The following AGPAT3 variants were observed in gnomAD, a reference collection of about 807,000 sequenced individuals.
AGPAT3 encodes the protein 1-acyl-sn-glycerol-3-phosphate acyltransferase gamma.
Under a neutral mutation model 47.3 loss-of-function variants are expected in AGPAT3, and 5 were observed. That is an observed-to-expected ratio of 0.11 (90% CI 0.06 to 0.22). AGPAT3 has a LOEUF of 0.22. AGPAT3 is among the 10% of genes least tolerant of loss of function. AGPAT3 has a pLI of 1.00. For synonymous variants in AGPAT3, 212 were observed against 208.3 expected (o/e 1.02, Z -0.15); for missense variants, 315 against 493.0 (o/e 0.64, Z 3.42).
chr21:43,966,759 T>C (rs2089148122), intron 3 of AGPAT3: 1 of 152,184 alleles, frequency 6.6e-6, no homozygotes, highest in South Asian at 2.1e-4. Context: ...CCCCGGGCAA[T>C]GGCCTTGCAG....
At chr21:43,940,674 C>G (rs930890896) in intron 2 of AGPAT3, among the ~76,000 whole-genome samples, 5 of 152,250 alleles carry the variant, frequency 3.3e-5, no homozygotes, top group South Asian at 4.1e-4. Flanking sequence ...CCCACTGCCC[C>G]CCAAGGCAGG....
chr21:43,976,239 G>A lies in AGPAT3; in HGVS notation c.768-1807G>A, dbSNP rs2089617438. Among the ~76,000 whole-genome samples the A allele has an allele frequency of 2.0e-5, 3 of 151,918 alleles. No individual in the cohort carries two copies. In the South Asian group the frequency reaches 6.2e-4, roughly 31 times the overall value. On this transcript the variant is annotated intron_variant, in intron 7 of 9. Coordinates refer to ENST00000291572, the MANE Select transcript of AGPAT3 (RefSeq NM_020132.5). ...ATTCCACCATGTCTGGCTAATTTTT[G>A]TAGTCTTAGTAGAGATGGGGTTTCA...
At chr21:43,876,934 C>G (rs2085745836) in intron 1 of AGPAT3, among the ~76,000 whole-genome samples, 1 of 152,162 alleles carries the variant, frequency 6.6e-6, no homozygotes, top group African/African-American at 2.4e-5. Flanking sequence ...TCTTGGCTTA[C>G]TGCAACCTCC....
chr21:43,881,086 T>C (rs2085845849), intron 1 of AGPAT3, among the ~76,000 whole-genome samples: 1 of 152,216 alleles, frequency 6.6e-6, no homozygotes, highest in Non-Finnish European at 1.5e-5. Flanking sequence ...TTGTCACTTA[T>C]TATGTATTTA....
chr21:43,920,299 C>T lies in AGPAT3; in HGVS notation c.-49+16280C>T, dbSNP rs915876489. Among the ~76,000 whole-genome samples, 3 of 151,670 alleles carry T rather than the reference C, an allele frequency of 2.0e-5. No individual in the cohort carries two copies. Among genetic ancestry groups the T allele is most frequent in the South Asian group, 2.1e-4 (1 of 4,798 alleles). Reference sequence around the variant, plus strand: ...GTGTCAGTGTGAGAGTGTGTGTGTGCGTGTGAGTGTTGAATGTGTGTGTGA... The same window carrying T: ...GTGTCAGTGTGAGAGTGTGTGTGTGTGTGTGAGTGTTGAATGTGTGTGTGA... On this transcript the variant is annotated intron_variant, in intron 2 of 9. Coordinates refer to ENST00000291572, the MANE Select transcript of AGPAT3 (RefSeq NM_020132.5). The surrounding 1 kb of genome is among the most constrained non-coding windows in gnomAD (Gnocchi z 6.1).
chr21:43,975,985 CTTT>C (rs112906148), intron 7 of AGPAT3, among the ~76,000 whole-genome samples: 1 of 140,554 alleles, frequency 7.1e-6, no homozygotes, highest in Non-Finnish European at 1.6e-5. Flanking sequence ...TTTTCTTTTC[CTTT>C]TTTTTTTTTT....
intron 5 of AGPAT3, among the ~76,000 whole-genome samples, chr21:43,969,861 C>A (rs2089320975): frequency 6.6e-6 from 1 of 152,052 alleles, no homozygotes; most frequent in African/African-American, 2.4e-5. Flanking sequence ...CCACACCTGG[C>A]TAATTTTTTG....
intron 1 of AGPAT3, among the ~76,000 whole-genome samples, chr21:43,894,486 T>C (rs1432106145): frequency 6.6e-6 from 1 of 152,142 alleles, no homozygotes; most frequent in African/African-American, 2.4e-5. Context: ...TAATTTAATA[T>C]ATTCACATAA....
At chr21:43,893,592 C>T (rs1249342861) in intron 1 of AGPAT3, among the ~76,000 whole-genome samples, 1 of 152,240 alleles carries the variant, frequency 6.6e-6, no homozygotes, top group Non-Finnish European at 1.5e-5. Flanking sequence ...CAGGCTTAGT[C>T]ACTTCTAGCT....
At chr21:43,870,587 G>A (rs2085604318) in intron 1 of AGPAT3, among the ~76,000 whole-genome samples, 1 of 151,824 alleles carries the variant, frequency 6.6e-6, no homozygotes, top group African/African-American at 2.4e-5. Context: ...ACCAGGTGTG[G>A]TGGCGCATGC....
rs916687519 is a variant in AGPAT3, at chr21:43,939,341, G to A, written c.-48-20293G>A. Among the ~76,000 whole-genome samples, 3 of 151,870 alleles carry A rather than the reference G, an allele frequency of 2.0e-5. No individual in the cohort carries two copies. Among genetic ancestry groups the A allele is most frequent in the Admixed American group, 1.3e-4 (2 of 15,242 alleles). ...TCGCTGTTGTTGTCGGGGGCCTCCC[G>A]CGCCCCAGGAGGTTTCCCAGGGCGA... On this transcript the variant is annotated intron_variant, in intron 2 of 9. Coordinates refer to ENST00000291572, the MANE Select transcript of AGPAT3 (RefSeq NM_020132.5). This position sits in a 1 kb window ranked among gnomAD's most constrained non-coding sequence, Gnocchi z 4.4.
intron 7 of AGPAT3, among the ~76,000 whole-genome samples, chr21:43,976,094 G>A (rs527340206): frequency 6.7e-6 from 1 of 149,016 alleles, no homozygotes; most frequent in Non-Finnish European, 1.5e-5. Flanking sequence ...TTGAGACGGA[G>A]TCTCGCTCTG....
chr21:43,874,227 T>C (rs894325930), intron 1 of AGPAT3, among the ~76,000 whole-genome samples: 1 of 152,160 alleles, frequency 6.6e-6, no homozygotes, highest in Non-Finnish European at 1.5e-5. Flanking sequence ...GGTTTCACCA[T>C]GTTGGCCAGG....
chr21:43,962,237 C>T (rs1410799607), intron 3 of AGPAT3, among the ~76,000 whole-genome samples: 1 of 152,032 alleles, frequency 6.6e-6, no homozygotes. Context: ...CTCCTGACCT[C>T]GTGATCTGCC....
intron 2 of AGPAT3, among the ~76,000 whole-genome samples, chr21:43,944,012 C>CG (rs1397661979): frequency 6.6e-6 from 1 of 152,188 alleles, no homozygotes; most frequent in Non-Finnish European, 1.5e-5. Flanking sequence ...GCAAGGGTCC[C>CG]GGCAGAGCTG....
chr21:43,927,546 C>T (rs763847691), intron 2 of AGPAT3, among the ~76,000 whole-genome samples: 21 of 152,200 alleles, frequency 1.4e-4, no homozygotes, highest in Non-Finnish European at 2.5e-4. Context: ...CTGCTCTTCC[C>T]GTCTTAAATT....
At position 43,967,967 on chromosome 21, in the gene AGPAT3, G is replaced by A; in HGVS notation, c.200G>A (p.Trp67Ter). 1 of 1,614,062 alleles carries A rather than the reference G, an allele frequency of 6.2e-7. No homozygotes were observed. Among genetic ancestry groups the A allele is most frequent in the Non-Finnish European group, 8.5e-7 (1 of 1,179,996 alleles). The change falls in exon 4 of 10, where the codon TGG becomes TAG. Residue 67 changes from tryptophan (W) to a stop codon, truncating the protein, a stop_gained. Transcript: ENST00000291572. LOFTEE classifies it high-confidence loss of function. ...LWSQLVMLLE[W>*]WSCTECTLFT... ...GCAGAACTGGTCATGCTGCTGGAGTGGTGGTCCTGCACGGAGTGTACACTG... is the reference window on the plus strand; with the variant it reads ...GCAGAACTGGTCATGCTGCTGGAGTAGTGGTCCTGCACGGAGTGTACACTG...
At chr21:43,867,497 G>C (rs999357639) in intron 1 of AGPAT3, 1 of 152,306 alleles carries the variant, frequency 6.6e-6, no homozygotes, top group Non-Finnish European at 1.5e-5. Flanking sequence ...CTTCAGCCCC[G>C]CTTAGGCTCT....
chr21:43,892,307 CAAAAAAAAAAA>C (rs112614012), intron 1 of AGPAT3, among the ~76,000 whole-genome samples: 1 of 125,596 alleles, frequency 8.0e-6, no homozygotes, highest in Non-Finnish European at 1.7e-5. Flanking sequence ...AACTCTGTCT[CAAAAAAAAAAA>C]AGAAAAAAAA....
Sources: allele counts gnomAD v4.1 joint callset (sites outside exome capture counted in the v4.1 genomes callset), GRCh38; gene constraint gnomAD v4.1.1; non-coding constraint Gnocchi (gnomAD v3.1); transcripts MANE v1.5; gene names NCBI Gene and HGNC (gene_info 2026-07-23, HGNC 2026-07-21).